The following AKR1C3 variants were observed in gnomAD, a reference collection of about 807,000 sequenced individuals.
AKR1C3 encodes aldo-keto reductase family 1 member C3.
Under a neutral mutation model 43.6 loss-of-function variants are expected in AKR1C3, and 48 were observed. The observed-to-expected ratio is 1.10, with a 90% CI of 0.87 to 1.40. The LOEUF (loss-of-function observed/expected upper bound fraction) is 1.40. AKR1C3 is among the 40% of genes most tolerant of loss of function. The pLI is 0.00. For synonymous variants in AKR1C3, 162 were observed against 139.6 expected (o/e 1.16, Z -1.13); for missense variants, 482 against 391.2 (o/e 1.23, Z -1.96).
chr10:5,099,370 G>A lies in AKR1C3; in HGVS notation c.491G>A (p.Gly164Glu), dbSNP rs782337612. The A allele has an allele frequency of 3.1e-6, 5 of 1,614,114 alleles. No homozygotes were observed. The Admixed American group carries it at 8.3e-5, about 27-fold the overall frequency. The change falls in exon 5 of 9, where the codon GGG becomes GAG. Residue 164 changes from glycine (G) to glutamate (E), a missense_variant. Gly to Glu is a moderately conservative substitution (Grantham distance 98, BLOSUM62 -2). Coordinates refer to ENST00000380554, the MANE Select transcript of AKR1C3 (RefSeq NM_003739.6). Reference sequence around the variant, plus strand: ...GATGCAGGATTGGCCAAGTCCATTGGGGTGTCAAACTTCAACCGCAGGCAG... The same window carrying A: ...GATGCAGGATTGGCCAAGTCCATTGAGGTGTCAAACTTCAACCGCAGGCAG... Reference protein sequence around the residue: ...CKDAGLAKSIGVSNFNRRQLE... With the variant: ...CKDAGLAKSIEVSNFNRRQLE...
chr10:5,104,801 A>G (rs1177725997), intron 7 of AKR1C3, among the ~76,000 whole-genome samples: 2 of 152,140 alleles, frequency 1.3e-5, no homozygotes, highest in African/African-American at 2.4e-5. Flanking sequence ...ATATTTATCC[A>G]TAGAATACTG....
chr10:5,107,622 CT>C lies in AKR1C3; in HGVS notation c.*121del. ...TACTTAAATCCGTCCTGTTTAGCGA[CT>C]TCAGTCAACTACAGCTGAGTCCATA... On this transcript the variant is annotated 3_prime_UTR_variant, in exon 9 of 9. Coordinates refer to ENST00000380554, the MANE Select transcript of AKR1C3 (RefSeq NM_003739.6). 2 of 699,420 alleles carry C rather than the reference CT, an allele frequency of 2.9e-6. No individual in the cohort carries two copies. Among genetic ancestry groups the C allele is most frequent in the Non-Finnish European group, 4.9e-6 (2 of 407,546 alleles). 43.3% of individuals were successfully genotyped at this position (699,420 alleles called of 1,614,324 possible). A position where few individuals can be genotyped will look rare whatever the true frequency, so the allele number is the denominator to read the frequency against.
chr10:5,085,615 T>C (rs1459984255), intron 1 of AKR1C3, among the ~76,000 whole-genome samples: 1 of 152,026 alleles, frequency 6.6e-6, no homozygotes, highest in South Asian at 2.1e-4. Context: ...GGATTCCCTC[T>C]TTTTCTATTG....
chr10:5,101,845 T>A (rs4881400), intron 5 of AKR1C3, among the ~76,000 whole-genome samples: 1 of 152,032 alleles, frequency 6.6e-6, no homozygotes, highest in Admixed American at 6.6e-5. Flanking sequence ...TTACATCTCC[T>A]TCTAGTTGTC....
intron 1 of AKR1C3, among the ~76,000 whole-genome samples, chr10:5,052,106 G>A (rs782218815): frequency 3.3e-5 from 5 of 152,030 alleles, no homozygotes; most frequent in East Asian, 1.9e-4. Context: ...GGACGTATTC[G>A]GAGTTTATTC....
intron 1 of AKR1C3, among the ~76,000 whole-genome samples, chr10:5,082,846 A>G (rs1838866406): frequency 6.6e-6 from 1 of 152,148 alleles, no homozygotes; most frequent in Non-Finnish European, 1.5e-5. Flanking sequence ...CATTTTTTTA[A>G]AAGAGATTCC....
rs782522806 is a variant in AKR1C3, at chr10:5,107,521, G to A, written c.*18G>A. 5 of 1,575,300 alleles carry A rather than the reference G, an allele frequency of 3.2e-6. No homozygotes were observed. The highest frequency in any genetic ancestry group is 1.1e-5 in the South Asian group (1 of 89,806). ...AATATTAACATGGAGGGCTTTGCCT[G>A]ATGTCTACCAGAAGCCCTGTGTGTG... On this transcript the variant is annotated 3_prime_UTR_variant, in exon 9 of 9. Coordinates refer to ENST00000380554, the MANE Select transcript of AKR1C3 (RefSeq NM_003739.6).
At chr10:5,088,115 C>T (rs1554783544) in intron 1 of AKR1C3, among the ~76,000 whole-genome samples, 3 of 152,088 alleles carry the variant, frequency 2.0e-5, no homozygotes, top group African/African-American at 7.2e-5. Flanking sequence ...ATTTTTCATG[C>T]ACTTGTATAG....
intron 1 of AKR1C3, among the ~76,000 whole-genome samples, chr10:5,089,369 A>G (rs1225752108): frequency 6.6e-6 from 1 of 152,134 alleles, no homozygotes; most frequent in Admixed American, 6.6e-5. Flanking sequence ...CATCTTCCTT[A>G]GAAATGCTTA....
At chr10:5,101,442 A>C (rs964724992) in intron 5 of AKR1C3, among the ~76,000 whole-genome samples, 24 of 145,502 alleles carry the variant, frequency 1.6e-4, no homozygotes, top group Non-Finnish European at 3.3e-4. Flanking sequence ...AATCAAAATG[A>C]AGAACAAATA....
At chr10:5,051,620 C>G (rs1838155851) in intron 1 of AKR1C3, among the ~76,000 whole-genome samples, 1 of 152,180 alleles carries the variant, frequency 6.6e-6, no homozygotes, top group Non-Finnish European at 1.5e-5. Flanking sequence ...ATTATTCTTT[C>G]TTTCTTCAGT....
intron 1 of AKR1C3, among the ~76,000 whole-genome samples, chr10:5,079,446 C>T (rs1374346093): frequency 2.0e-5 from 3 of 152,284 alleles, no homozygotes; most frequent in South Asian, 2.1e-4. Flanking sequence ...AGGAAATACA[C>T]GTTAGTGAAG....
At chr10:5,105,981 G>A (rs587694272) in intron 8 of AKR1C3, among the ~76,000 whole-genome samples, 6 of 152,246 alleles carry the variant, frequency 3.9e-5, no homozygotes, top group East Asian at 3.9e-4. Flanking sequence ...GACATGCTGT[G>A]GATACTGCCC....
chr10:5,078,185 C>T (rs576922463), intron 1 of AKR1C3, among the ~76,000 whole-genome samples: 2 of 152,222 alleles, frequency 1.3e-5, no homozygotes, highest in South Asian at 2.1e-4. Context: ...ACATTTTGGG[C>T]GGCTGATGCG....
intron 1 of AKR1C3, among the ~76,000 whole-genome samples, chr10:5,084,233 C>T (rs2131821463): frequency 6.6e-6 from 1 of 151,876 alleles, no homozygotes; most frequent in East Asian, 1.9e-4. Context: ...GTCTTTAATC[C>T]ATCTTGAATT....
intron 1 of AKR1C3, among the ~76,000 whole-genome samples, chr10:5,058,661 G>T (rs1838313511): frequency 6.6e-6 from 1 of 152,188 alleles, no homozygotes; most frequent in Admixed American, 6.5e-5. Flanking sequence ...CCAAGAACCT[G>T]CAATGGTCCG....
chr10:5,093,091 A>G (rs1227982394), upstream of AKR1C3, among the ~76,000 whole-genome samples: 2 of 152,014 alleles, frequency 1.3e-5, no homozygotes, highest in Non-Finnish European at 2.9e-5. Context: ...TGGCTTTTGA[A>G]TAGCTTACTA....
chr10:5,094,677 A>G (rs1839169201), intron 1 of AKR1C3, 149 bp downstream of exon 1: 1 of 793,924 alleles, frequency 1.3e-6, no homozygotes, highest in East Asian at 2.7e-5. Flanking sequence ...AAAGTAGGCA[A>G]TCCTTGTTCT....
intron 1 of AKR1C3, among the ~76,000 whole-genome samples, chr10:5,068,569 T>C (rs72772191): frequency 0.043 from 6,504 of 152,274 alleles, 176 homozygotes; most frequent in Middle Eastern, 0.061. Flanking sequence ...AAACTGTTTC[T>C]AGTAATCTTA....
Sources: allele counts gnomAD v4.1 joint callset (sites outside exome capture counted in the v4.1 genomes callset), GRCh38; gene constraint gnomAD v4.1.1; transcripts MANE v1.5; gene names NCBI Gene and HGNC (gene_info 2026-07-23, HGNC 2026-07-21).